The following SAR1B variants were observed in gnomAD, a reference collection of about 807,000 sequenced individuals.
SAR1B encodes secretion associated Ras related GTPase 1B.
Under a neutral mutation model 26.8 loss-of-function variants are expected in SAR1B, and 23 were observed. That is an observed-to-expected ratio of 0.86 (90% confidence interval 0.62 to 1.22). The LOEUF (loss-of-function observed/expected upper bound fraction) is 1.22. Among genes scored for constraint, SAR1B ranks in the 50% most tolerant of loss-of-function variants. The probability of loss-of-function intolerance (pLI) is 0.00; values close to 1 mark genes in which losing one functional copy is unlikely to be tolerated. For missense variants in SAR1B, 196 were observed against 232.8 expected (o/e 0.84, Z 1.03); for synonymous variants, 65 against 80.8 (o/e 0.80, Z 1.05).
rs1344931271 is a variant in SAR1B at position 134,602,368 on chromosome 5, A to G, written c.*4582T>C. 1 of 152,208 alleles carries G rather than the reference A, an allele frequency of 6.6e-6. No homozygotes were observed. Among genetic ancestry groups the G allele is most frequent in the Non-Finnish European group, 1.5e-5 (1 of 68,040 alleles). The allele number at this position is 152,208 out of a possible 1,614,324, so 9.4% of individuals were successfully genotyped here. A position where few individuals can be genotyped will look rare whatever the true frequency, so the allele number is the denominator to read the frequency against. On this transcript the variant is annotated 3_prime_UTR_variant, in exon 7 of 7. Transcript: ENST00000402673. ...AATAGACTCTGTGGCTTCCCTTGAC[A>G]CTGGAGGATCTTTAAAATCCAGGTG...
rs1255658459 is a variant in SAR1B, at chr5:134,627,996, G to A, written c.-18-3959C>T. Reference sequence around the variant, plus strand: ...CTCTACTAAAAATACAAAATTAGCCGGGCATGGTGGTGCATGCCTATAATC... The same window carrying A: ...CTCTACTAAAAATACAAAATTAGCCAGGCATGGTGGTGCATGCCTATAATC... On this transcript the variant is annotated intron_variant, in intron 1 of 6. Coordinates refer to ENST00000402673, the MANE Select transcript of SAR1B (RefSeq NM_016103.4). Among the ~76,000 whole-genome samples the A allele has an allele frequency of 4.6e-5, 7 of 151,334 alleles. No homozygotes were observed. In the East Asian group the frequency reaches 7.8e-4, roughly 17 times the overall value.
At chr5:134,613,124 G>A (rs1017542204) in intron 3 of SAR1B, 4 of 306,156 alleles carry the variant, frequency 1.3e-5, no homozygotes, top group South Asian at 3.0e-5. Flanking sequence ...GTTCTCCTCT[G>A]CCTTTGCCTC....
chr5:134,607,666 G>C (rs1765149524), intron 6 of SAR1B, among the ~76,000 whole-genome samples: 1 of 151,896 alleles, frequency 6.6e-6, no homozygotes, highest in Non-Finnish European at 1.5e-5. Flanking sequence ...CAGCTACCAG[G>C]GAGGCTGAGG....
At chr5:134,623,114 T>C in intron 2 of SAR1B, among the ~76,000 whole-genome samples, 1 of 122,812 alleles carries the variant, frequency 8.1e-6, no homozygotes, top group African/African-American at 2.9e-5. Context: ...AGAGTGAGAC[T>C]CTGTCTCAAA....
chr5:134,607,352 TA>T (rs1461255861), intron 6 of SAR1B, among the ~76,000 whole-genome samples: 1 of 152,184 alleles, frequency 6.6e-6, no homozygotes, highest in Non-Finnish European at 1.5e-5. Flanking sequence ...CTGGCTTCAC[TA>T]ATATTAAAGA....
At chr5:134,621,081 A>G (rs747390216) in intron 2 of SAR1B, 29 bp from the exon 3 acceptor site, 23 of 1,608,114 alleles carry the variant, frequency 1.4e-5, no homozygotes, top group Non-Finnish European at 1.7e-5. Context: ...GATTGGTCAA[A>G]GTGATATCTG....
chr5:134,621,664 T>C (rs1765410766), intron 2 of SAR1B, among the ~76,000 whole-genome samples: 1 of 152,166 alleles, frequency 6.6e-6, no homozygotes, highest in African/African-American at 2.4e-5. Flanking sequence ...GATAAATTGA[T>C]AAATAGAAAA....
chr5:134,624,016 A>T lies in SAR1B; in HGVS notation c.4T>A (p.Ser2Thr). 1 of 1,608,180 alleles carries T rather than the reference A, an allele frequency of 6.2e-7. No individual in the cohort carries two copies. The highest frequency in any genetic ancestry group is 8.5e-7 in the Non-Finnish European group (1 of 1,174,602). The change falls in exon 2 of 7, where the codon TCC becomes ACC. Residue 2 changes from serine (S) to threonine (T), a missense_variant. By Grantham distance (58) the Ser-to-Thr change is moderately conservative. Transcript: ENST00000402673. ...CTGTAAATCCAATCAAATATGAAGG[A>T]CATATCCAAATCTGATAGGGTCTGA... MSFIFDWIYSGF... is the reference protein window; with the variant it reads MTFIFDWIYSGF...
At chr5:134,630,398 T>G (rs747506213) in intron 1 of SAR1B, among the ~76,000 whole-genome samples, 1 of 140,626 alleles carries the variant, frequency 7.1e-6, no homozygotes, top group Non-Finnish European at 1.5e-5. Flanking sequence ...GAGGTTGCAG[T>G]GAGCTGGAGA....
chr5:134,617,180 C>T (rs972869584), intron 3 of SAR1B, among the ~76,000 whole-genome samples: 13 of 151,718 alleles, frequency 8.6e-5, no homozygotes, highest in African/African-American at 2.7e-4. Flanking sequence ...TGCAGTGAGC[C>T]GCGATTGTGC....
chr5:134,618,817 G>T (rs1030979350), intron 3 of SAR1B, among the ~76,000 whole-genome samples: 72 of 148,120 alleles, frequency 4.9e-4, no homozygotes, highest in African/African-American at 1.6e-3. Flanking sequence ...GGCCAACATG[G>T]CGAAACCTGG....
intron 3 of SAR1B, among the ~76,000 whole-genome samples, chr5:134,615,840 G>T (rs186313089): frequency 9.4e-5 from 14 of 148,308 alleles, no homozygotes; most frequent in Middle Eastern, 3.6e-3. Flanking sequence ...AATAAATAAA[G>T]AAATTCTGTA....
At position 134,606,702 on chromosome 5, in the gene SAR1B, G is replaced by C. The variant is rs760402989; in HGVS notation, c.*248C>G. 2 of 440,676 alleles carry C rather than the reference G, an allele frequency of 4.5e-6. No homozygotes were observed. The highest frequency in any genetic ancestry group is 8.4e-6 in the Non-Finnish European group (2 of 237,836). The allele number at this position is 440,676 out of a possible 1,614,324, so 27.3% of individuals were successfully genotyped here. A position where few individuals can be genotyped will look rare whatever the true frequency, so the allele number is the denominator to read the frequency against. On this transcript the variant is annotated 3_prime_UTR_variant, in exon 7 of 7. Coordinates refer to ENST00000402673, the MANE Select transcript of SAR1B (RefSeq NM_016103.4). ...GTTGCTCTTTACAAATGGCGCTGGG[G>C]TGATGTCAGATTATAAACTGTAAAA... is the stretch of plus-strand genomic sequence containing the variant.
In SAR1B at chr5:134,610,747, A is replaced by T. The variant is rs980031208; in HGVS notation, c.245-1073T>A. On this transcript the variant is annotated intron_variant, in intron 4 of 6. Coordinates refer to ENST00000402673, the MANE Select transcript of SAR1B (RefSeq NM_016103.4). The stretch of plus-strand genomic sequence containing the variant: ...AGACTCTGTTTCAAAAAAAATAATT[A>T]AAAAAAAACCAAAACAAAATTGTTT... Among the ~76,000 whole-genome samples, 76 of 148,138 alleles carry T rather than the reference A, an allele frequency of 5.1e-4. 1 individual carries two copies. Among genetic ancestry groups the T allele is most frequent in the Non-Finnish European group, 4.0e-4 (27 of 67,724 alleles).
In SAR1B at chr5:134,605,036, C is replaced by T. The variant is rs553581609; in HGVS notation, c.*1914G>A. ...GGAAGGGAGGGAGCACTTTTGTTTT[C>T]ATTTAGAAAGAAGATGAAAGTGAAA... On this transcript the variant is annotated 3_prime_UTR_variant, in exon 7 of 7. Coordinates refer to ENST00000402673, the MANE Select transcript of SAR1B (RefSeq NM_016103.4). 10 of 152,256 alleles carry T rather than the reference C, an allele frequency of 6.6e-5. No individual in the cohort carries two copies. The highest frequency in any genetic ancestry group is 2.4e-4 in the African/African-American group (10 of 41,560). 9.4% of individuals were successfully genotyped at this position (152,256 alleles called of 1,614,324 possible).
At chr5:134,619,130 G>C (rs1765362167) in intron 3 of SAR1B, among the ~76,000 whole-genome samples, 1 of 151,554 alleles carries the variant, frequency 6.6e-6, no homozygotes, top group Admixed American at 6.6e-5. Context: ...GGGAGTTTGA[G>C]ACCAGCCTGG....
intron 2 of SAR1B, among the ~76,000 whole-genome samples, chr5:134,623,103 C>G (rs1204676709): frequency 4.0e-5 from 5 of 125,764 alleles, no homozygotes; most frequent in African/African-American, 5.9e-5. Flanking sequence ...ACCTGGGCAA[C>G]AGAGTGAGAC....
intron 1 of SAR1B, among the ~76,000 whole-genome samples, chr5:134,629,115 TAAAA>T (rs781245048): frequency 7.4e-6 from 1 of 134,994 alleles, no homozygotes. Flanking sequence ...ACCCTGTCTT[TAAAA>T]AAAAAAAAAA....
rs935766818 is a variant in SAR1B at position 134,604,100 on chromosome 5, A to G, written c.*2850T>C. The stretch of plus-strand genomic sequence containing the variant: ...TCCATTCTAAAAATTCACTGAGATA[A>G]ACTGAAATCTATCAATTTAACCAGC... On this transcript the variant is annotated 3_prime_UTR_variant, in exon 7 of 7. Coordinates refer to ENST00000402673, the MANE Select transcript of SAR1B (RefSeq NM_016103.4). 6.6e-6 allele frequency: 1 copy of G among 152,258 alleles called. No individual in the cohort carries two copies. Among genetic ancestry groups the G allele is most frequent in the African/African-American group, 2.4e-5 (1 of 41,468 alleles). The allele number at this position is 152,258 out of a possible 1,614,324, so 9.4% of individuals were successfully genotyped here. A position where few individuals can be genotyped will look rare whatever the true frequency, so the allele number is the denominator to read the frequency against.
Sources: gnomAD v4.1 joint callset for allele counts (sites outside exome capture counted in the v4.1 genomes callset) on GRCh38, gnomAD v4.1.1 for gene constraint, MANE v1.5 for transcripts, NCBI Gene and HGNC (gene_info 2026-07-23, HGNC 2026-07-21) for gene names.